ABCB5: variants seen among roughly 807,000 people sequenced by gnomAD.
ABCB5 encodes ATP-binding cassette sub-family B member 5.
ABCB5 carries 155 observed loss-of-function variants against 144.2 expected under a neutral mutation model. The ratio of observed to expected loss-of-function variants is 1.08; its 90% CI spans 0.94 to 1.23. The LOEUF (loss-of-function observed/expected upper bound fraction) is 1.23. ABCB5 is among the 50% of genes most tolerant of loss of function. The pLI, the probability that ABCB5 is intolerant of heterozygous loss-of-function variation, is 0.00. For missense variants in ABCB5, 1,830 were observed against 1,520.8 expected, an observed-to-expected ratio of 1.20 and a Z score of -3.38; for synonymous variants, 610 against 528.6, an observed-to-expected ratio of 1.15 and a Z score of -2.11.
chr7:20,717,973 C>A (rs372715627), intron 20 of ABCB5, among the ~76,000 whole-genome samples: 19 of 121,896 alleles, frequency 1.6e-4, no homozygotes, highest in South Asian at 1.1e-3. Flanking sequence ...GCAATCTCGG[C>A]TCATTGCAAG....
At chr7:20,668,620 A>G (rs1199287892) in intron 14 of ABCB5, among the ~76,000 whole-genome samples, 10 of 136,336 alleles carry the variant, frequency 7.3e-5, no homozygotes, top group African/African-American at 1.4e-4. Context: ...CCGCCCGGCC[A>G]GCCGCCCCGT....
At chr7:20,753,700 A>G (rs1783001701) in intron 27 of ABCB5, among the ~76,000 whole-genome samples, 194 bp downstream of exon 27, 1 of 152,236 alleles carries the variant, frequency 6.6e-6, no homozygotes, top group African/African-American at 2.4e-5. Flanking sequence ...CAGTTGAGAC[A>G]GAGGGAATCT....
At chr7:20,636,450 A>G (rs1425976001) in intron 5 of ABCB5, among the ~76,000 whole-genome samples, 1 of 152,104 alleles carries the variant, frequency 6.6e-6, no homozygotes, top group Non-Finnish European at 1.5e-5. Context: ...TACTTGTTAT[A>G]CCATTATTTC....
intron 15 of ABCB5, among the ~76,000 whole-genome samples, chr7:20,684,529 G>A (rs1785929071): frequency 1.3e-5 from 2 of 152,100 alleles, no homozygotes; most frequent in South Asian, 4.1e-4. Flanking sequence ...TGAGGCAGGA[G>A]GACTGCTTGA....
intron 16 of ABCB5, among the ~76,000 whole-genome samples, chr7:20,693,775 A>G (rs905153048): frequency 1.5e-4 from 23 of 151,992 alleles, no homozygotes; most frequent in African/African-American, 5.5e-4. Flanking sequence ...GCAAGAAAAA[A>G]AAGAAGATAC....
At chr7:20,730,628 C>T (rs531674190) in intron 23 of ABCB5, among the ~76,000 whole-genome samples, 4 of 152,268 alleles carry the variant, frequency 2.6e-5, no homozygotes, top group African/African-American at 7.2e-5. Flanking sequence ...TATATTTAGG[C>T]TTGGGTTTCA....
In ABCB5 at chr7:20,747,378, C is replaced by G. The variant is rs143211869; in HGVS notation, c.3429+1940C>G. Among the ~76,000 whole-genome samples, 331 of 152,294 alleles carry G rather than the reference C, an allele frequency of 2.2e-3. 2 individuals carry two copies. The highest frequency in any genetic ancestry group is 7.3e-3 in the African/African-American group (303 of 41,560). On this transcript the variant is annotated intron_variant, in intron 26 of 27. Transcript: ENST00000404938. ...CTCGACCTCCCAGGCTCACCTGAGT[C>G]TCCCGAATAGGTGGGATCACAGGCA...
At chr7:20,692,116 A>G (rs1228615855) in intron 16 of ABCB5, among the ~76,000 whole-genome samples, 4 of 152,176 alleles carry the variant, frequency 2.6e-5, no homozygotes, top group Non-Finnish European at 5.9e-5. Flanking sequence ...TGAAAACTTA[A>G]AATCCACAGA....
chr7:20,717,191 G>A (rs188873102), intron 20 of ABCB5, among the ~76,000 whole-genome samples: 3 of 152,252 alleles, frequency 2.0e-5, no homozygotes, highest in Admixed American at 2.0e-4. Flanking sequence ...ATGGTGGGGG[G>A]TGGGAGGCAG....
In ABCB5 at chr7:20,739,157, C is replaced by A; in HGVS notation, c.3024+18C>A. On this transcript the variant is annotated intron_variant, in intron 24 of 27. Transcript: ENST00000404938. ...AAAAGCCAGTAAGCACAACTGTGAT[C>A]TTAAATGTCCAAATAAAGATGGCAA... 6.5e-7 allele frequency: 1 copy of A among 1,548,172 alleles called. No homozygotes were observed. Among genetic ancestry groups the A allele is most frequent in the South Asian group, 1.2e-5 (1 of 82,794 alleles).
At chr7:20,635,954 C>T (rs1316460705) in intron 5 of ABCB5, among the ~76,000 whole-genome samples, 3 of 152,018 alleles carry the variant, frequency 2.0e-5, no homozygotes, top group African/African-American at 7.2e-5. Context: ...ATTTAAAATT[C>T]AGTTTCTCAT....
chr7:20,624,765 C>T (rs978412671), intron 2 of ABCB5, among the ~76,000 whole-genome samples: 4 of 152,196 alleles, frequency 2.6e-5, no homozygotes, highest in African/African-American at 9.6e-5. Flanking sequence ...CTAAGATCCC[C>T]TCCAGCTTGA....
Position 20,711,846 on chromosome 7 carries a change from T to TCC in ABCB5, c.2421+7039_2421+7040insCC, listed in dbSNP as rs1787071049. ...TTTCTTTCTTTCTTTCTTTCTTTCT[T>TCC]TTCTTTCTTTCTTTCCTTCCTCCCT... On this transcript the variant is annotated intron_variant, in intron 20 of 27. Transcript: ENST00000404938. Among the ~76,000 whole-genome samples the TCC allele has an allele frequency of 4.1e-4, 3 of 7,336 alleles. No homozygotes were observed. The African/African-American group carries it at 5.2e-3, about 13-fold the overall frequency. 4.8% of individuals were successfully genotyped at this position (7,336 alleles called of 152,430 possible).
chr7:20,742,910 G>T lies in ABCB5; in HGVS notation c.3058G>T (p.Val1020Phe). The T allele has an allele frequency of 6.2e-7, 1 of 1,614,214 alleles. No individual in the cohort carries two copies. The highest frequency in any genetic ancestry group is 8.5e-7 in the Non-Finnish European group (1 of 1,180,036). Reference sequence around the variant, plus strand: ...TGAAGGGAATTTAGAGTTTCGAGAAGTCTCTTTCTTCTATCCATGTCGCCC... The same window carrying T: ...TGAAGGGAATTTAGAGTTTCGAGAATTCTCTTTCTTCTATCCATGTCGCCC... Reference protein sequence around the residue: ...TCEGNLEFREVSFFYPCRPDV... With the variant: ...TCEGNLEFREFSFFYPCRPDV... Residue 1020 changes from valine (V) to phenylalanine (F), a missense_variant, in exon 25 of 28, where the codon GTC becomes TTC. Coordinates refer to ENST00000404938, the MANE Select transcript of ABCB5 (RefSeq NM_001163941.2).
chr7:20,725,545 C>G (rs771993582), intron 21 of ABCB5, among the ~76,000 whole-genome samples: 8 of 152,176 alleles, frequency 5.3e-5, no homozygotes, highest in Admixed American at 1.3e-4. Flanking sequence ...CACCACTGCA[C>G]TCCAGCCTGG....
chr7:20,724,573 G>T (rs1028351159), intron 21 of ABCB5, among the ~76,000 whole-genome samples: 2 of 147,316 alleles, frequency 1.4e-5, no homozygotes, highest in African/African-American at 5.0e-5. Flanking sequence ...AGGTTGCAGT[G>T]AGCTGAGATT....
intron 14 of ABCB5, among the ~76,000 whole-genome samples, chr7:20,679,132 T>C (rs1785704588): frequency 1.3e-5 from 2 of 152,090 alleles, no homozygotes; most frequent in Admixed American, 6.6e-5. Flanking sequence ...TTGGACTTCA[T>C]TAAAATTTTG....
At chr7:20,687,773 T>C (rs116599872) in intron 16 of ABCB5, among the ~76,000 whole-genome samples, 3,136 of 152,234 alleles carry the variant, frequency 0.021, 119 homozygotes, top group African/African-American at 0.072. Flanking sequence ...TAATAATAGC[T>C]ACAAGAGAGG....
chr7:20,667,022 T>A (rs12535128), intron 14 of ABCB5: 1 of 629,722 alleles, frequency 1.6e-6, no homozygotes, highest in Non-Finnish European at 2.3e-6. Flanking sequence ...TTAGGTCACA[T>A]GAATGATCTA....
Sources: allele counts gnomAD v4.1 joint callset (sites outside exome capture counted in the v4.1 genomes callset), GRCh38; gene constraint gnomAD v4.1.1; transcripts MANE v1.5; gene names NCBI Gene and HGNC (gene_info 2026-07-23, HGNC 2026-07-21).